The following SLC1A1 variants were observed in gnomAD, a reference collection of about 807,000 sequenced individuals.
The protein encoded by SLC1A1 is excitatory amino acid transporter 3.
A neutral mutation model predicts 53.3 loss-of-function variants in SLC1A1; 43 were observed. The observed-to-expected ratio is 0.81, with a 90% confidence interval of 0.63 to 1.04. The LOEUF (loss-of-function observed/expected upper bound fraction) is 1.04, where lower values mean the gene tolerates loss of function less well. SLC1A1 is among the 50% of genes least tolerant of loss of function. The pLI is 0.00. For missense variants in SLC1A1, 748 were observed against 664.9 expected (o/e 1.12, Z -1.37); for synonymous variants, 307 against 243.2 (o/e 1.26, Z -2.44).
intron 2 of SLC1A1, among the ~76,000 whole-genome samples, chr9:4,548,302 T>C (rs377579350): frequency 6.6e-6 from 1 of 152,146 alleles, no homozygotes; most frequent in Non-Finnish European, 1.5e-5. Context: ...CCATTTCACA[T>C]TGCAAATGCC....
At chr9:4,501,210 G>A (rs964997536) in intron 1 of SLC1A1, among the ~76,000 whole-genome samples, 1 of 149,666 alleles carries the variant, frequency 6.7e-6, no homozygotes, top group African/African-American at 2.6e-5. Context: ...TTGAGACAGA[G>A]TCTCACTCCG....
At chr9:4,571,440 C>T (rs1182790949) in intron 6 of SLC1A1, among the ~76,000 whole-genome samples, 2 of 152,170 alleles carry the variant, frequency 1.3e-5, no homozygotes, top group Non-Finnish European at 2.9e-5. Context: ...CTTTGAGAGG[C>T]TGAGGTGGGC....
At chr9:4,507,064 T>C (rs1364713389) in intron 1 of SLC1A1, among the ~76,000 whole-genome samples, 1 of 152,060 alleles carries the variant, frequency 6.6e-6, no homozygotes, top group African/African-American at 2.4e-5. Context: ...ACCCCCTCTC[T>C]ATTAAAAATA....
intron 1 of SLC1A1, among the ~76,000 whole-genome samples, chr9:4,511,735 G>A (rs1372506390): frequency 6.6e-6 from 1 of 151,962 alleles, no homozygotes. Flanking sequence ...GTGCAACAGG[G>A]CAAGAAAAAG....
chr9:4,543,684 T>A (rs771668406), intron 1 of SLC1A1, among the ~76,000 whole-genome samples: 4 of 152,226 alleles, frequency 2.6e-5, no homozygotes, highest in Non-Finnish European at 5.9e-5. Flanking sequence ...AACCTGAATA[T>A]ATCATTATCT....
chr9:4,497,397 C>T (rs1414085278), intron 1 of SLC1A1, among the ~76,000 whole-genome samples: 1 of 152,130 alleles, frequency 6.6e-6, no homozygotes, highest in Non-Finnish European at 1.5e-5. Context: ...TTTCTGCCTC[C>T]CTCACCAATT....
intron 3 of SLC1A1, among the ~76,000 whole-genome samples, chr9:4,563,792 T>A (rs1372277367): frequency 6.6e-6 from 1 of 152,096 alleles, no homozygotes; most frequent in African/African-American, 2.4e-5. Context: ...ATAAATCCCA[T>A]CTATTTGTCC....
At chr9:4,506,972 C>G (rs536233962) in intron 1 of SLC1A1, among the ~76,000 whole-genome samples, 1 of 152,332 alleles carries the variant, frequency 6.6e-6, no homozygotes, top group South Asian at 2.1e-4. Flanking sequence ...TGGCTCACGC[C>G]TGTAATCCCA....
At chr9:4,517,529 T>C (rs1381213142) in intron 1 of SLC1A1, among the ~76,000 whole-genome samples, 2 of 152,266 alleles carry the variant, frequency 1.3e-5, no homozygotes, top group Non-Finnish European at 2.9e-5. Context: ...ACGTGCTGAT[T>C]TCCTGATTGC....
At chr9:4,539,171 A>C (rs1302417155) in intron 1 of SLC1A1, among the ~76,000 whole-genome samples, 1 of 152,212 alleles carries the variant, frequency 6.6e-6, no homozygotes, top group African/African-American at 2.4e-5. Context: ...TGCTGTTTTC[A>C]TAAATCTTAG....
At chr9:4,511,107 A>T (rs1476091477) in intron 1 of SLC1A1, among the ~76,000 whole-genome samples, 2 of 152,218 alleles carry the variant, frequency 1.3e-5, no homozygotes, top group Non-Finnish European at 2.9e-5. Context: ...CATGGTTTGA[A>T]ATTGATGGAA....
intron 2 of SLC1A1, among the ~76,000 whole-genome samples, chr9:4,555,354 C>A (rs1252340824): frequency 6.6e-6 from 1 of 152,162 alleles, no homozygotes; most frequent in Admixed American, 6.5e-5. Flanking sequence ...GAGATTGTCA[C>A]GAAAGCTTTG....
chr9:4,499,702 T>G (rs1336306193), intron 1 of SLC1A1, among the ~76,000 whole-genome samples: 1 of 152,252 alleles, frequency 6.6e-6, no homozygotes, highest in Non-Finnish European at 1.5e-5. Flanking sequence ...TGAGGAAGAC[T>G]GAATATAAAT....
At chr9:4,492,373 T>C (rs939262675) in intron 1 of SLC1A1, among the ~76,000 whole-genome samples, 1 of 150,852 alleles carries the variant, frequency 6.6e-6, no homozygotes, top group African/African-American at 2.4e-5. Context: ...CCCCAGTTAC[T>C]CGGGAGGCTG....
intron 10 of SLC1A1, among the ~76,000 whole-genome samples, chr9:4,580,421 A>G (rs1398269315): frequency 6.6e-6 from 1 of 151,942 alleles, no homozygotes; most frequent in African/African-American, 2.4e-5. Flanking sequence ...TCTCTACAAA[A>G]AATACAAAAA....
chr9:4,490,863 A>G, intron 1 of SLC1A1, 93 bp downstream of exon 1: 1 of 1,091,828 alleles, frequency 9.2e-7, no homozygotes, highest in Non-Finnish European at 1.4e-6. Context: ...GCGCTGGCGC[A>G]CTCCATGCAG....
At chr9:4,576,522 G>A (rs751493278) in intron 9 of SLC1A1, 47 bp from the exon 10 acceptor site, 2 of 1,492,322 alleles carry the variant, frequency 1.3e-6, no homozygotes, top group South Asian at 2.3e-5. Flanking sequence ...CAGGGACTAA[G>A]GTCCAGCATT....
intron 1 of SLC1A1, among the ~76,000 whole-genome samples, chr9:4,495,913 A>G (rs1348196003): frequency 6.6e-6 from 1 of 152,158 alleles, no homozygotes; most frequent in Non-Finnish European, 1.5e-5. Flanking sequence ...AGAACATGGC[A>G]TGTTCCACGG....
At chr9:4,546,040 G>A (rs1817463634) in intron 2 of SLC1A1, among the ~76,000 whole-genome samples, 1 of 151,998 alleles carries the variant, frequency 6.6e-6, no homozygotes, top group East Asian at 1.9e-4. Flanking sequence ...GGCCCTGGTA[G>A]AGTACTGGAC....
Sources: gnomAD v4.1 joint callset for allele counts (sites outside exome capture counted in the v4.1 genomes callset) on GRCh38, gnomAD v4.1.1 for gene constraint, MANE v1.5 for transcripts, NCBI Gene and HGNC (gene_info 2026-07-23, HGNC 2026-07-21) for gene names.